The following USP22 variants were observed in gnomAD, a reference collection of about 807,000 sequenced individuals.
USP22 encodes the protein ubiquitin specific peptidase 22.
In USP22, 22 loss-of-function variants were observed where a neutral mutation model predicts 68.1. The observed-to-expected ratio is 0.32, with a 90% confidence interval of 0.23 to 0.46. USP22 has a LOEUF of 0.46. Among genes scored for constraint, USP22 ranks in the 20% least tolerant of loss-of-function variants. The pLI, the probability that USP22 is intolerant of heterozygous loss-of-function variation, is 1.00. For missense variants in USP22, 433 were observed against 695.8 expected (o/e 0.62, Z 4.25); for synonymous variants, 279 against 274.2 (o/e 1.02, Z -0.17).
At chr17:21,038,391 T>C (rs926354871) in intron 1 of USP22, among the ~76,000 whole-genome samples, 1 of 151,976 alleles carries the variant, frequency 6.6e-6, no homozygotes, top group African/African-American at 2.4e-5. Flanking sequence ...GTTGGATGGC[T>C]GGGAGAGGTG....
In USP22 at chr17:21,011,188, C is replaced by A; in HGVS notation, c.1066G>T (p.Val356Leu). 2 of 1,611,306 alleles carry A rather than the reference C, an allele frequency of 1.2e-6. No individual in the cohort carries two copies. ...EGNVVNGESH[V>L]SGTTTLTDCL... ...TCCGTGAGCGTGGTGGTTCCCGACACGTGGCTTTCCCCGTTTACCACGTTG... is the reference window on the plus strand; with the variant it reads ...TCCGTGAGCGTGGTGGTTCCCGACAAGTGGCTTTCCCCGTTTACCACGTTG... Residue 356 changes from valine to leucine, a missense_variant, in exon 8 of 13, where the codon GTG becomes TTG. Around this residue, in one of 4 missense-constraint regions of USP22, gnomAD observed 178 missense variants for 351.5 expected, o/e 0.51. Coordinates refer to ENST00000261497, the MANE Select transcript of USP22 (RefSeq NM_015276.2).
Position 21,015,832 on chromosome 17 carries a change from C to T in USP22, c.758G>A (p.Arg253Lys), listed in dbSNP as rs770796130. 1 of 1,614,050 alleles carries T rather than the reference C, an allele frequency of 6.2e-7. No homozygotes were observed. Reference sequence around the variant, plus strand: ...CTGCTGCTCGTAGCCTGCTAGGTGCCTCGCGTGGGTCCACACCAGGTGCAG... The same window carrying T: ...CTGCTGCTCGTAGCCTGCTAGGTGCTTCGCGTGGGTCCACACCAGGTGCAG... ...KLLHLVWTHA[R>K]HLAGYEQQDA... The change falls in exon 6 of 13, where the codon AGG (arginine) becomes AAG (lysine). Residue 253 changes from arginine (R) to lysine (K), a missense_variant. Physicochemically the swap from Arg to Lys is conservative, Grantham distance 26. Coordinates refer to ENST00000261497, the MANE Select transcript of USP22 (RefSeq NM_015276.2).
rs1337021359 is a variant in USP22, at chr17:21,042,747, T to G, written c.89A>C (p.Lys30Thr). ...PPGCSHLGSF[K>T]VDNWKQNLRA... ...CAGGTTCTGCTTCCAGTTGTCCACC[T>G]TGAAGCTGCCCAGGTGCGAGCAGCC... Residue 30 changes from lysine to threonine, a missense_variant, in exon 1 of 13, where the codon AAG (lysine) becomes ACG (threonine). By Grantham distance (78) the Lys-to-Thr change is moderately conservative. Coordinates refer to ENST00000261497, the MANE Select transcript of USP22 (RefSeq NM_015276.2). 6.7e-7 allele frequency: 1 copy of G among 1,495,848 alleles called. No homozygotes were observed. Among genetic ancestry groups the G allele is most frequent in the South Asian group, 1.3e-5 (1 of 78,696 alleles). 92.7% of individuals were successfully genotyped at this position (1,495,848 alleles called of 1,614,324 possible).
intron 1 of USP22, among the ~76,000 whole-genome samples, chr17:21,031,812 T>A (rs1972294767): frequency 6.6e-6 from 1 of 152,260 alleles, no homozygotes; most frequent in South Asian, 2.1e-4. Flanking sequence ...GATGCTCCCC[T>A]GCACGGGTTT....
intron 10 of USP22, among the ~76,000 whole-genome samples, chr17:21,005,951 CAG>C (rs1468514794): frequency 1.3e-5 from 2 of 152,160 alleles, no homozygotes; most frequent in East Asian, 1.9e-4. Flanking sequence ...GAACTGGACA[CAG>C]AGTCAGGGGA....
At chr17:21,003,760 C>G (rs767149590) in intron 12 of USP22, among the ~76,000 whole-genome samples, 2 of 151,496 alleles carry the variant, frequency 1.3e-5, no homozygotes, top group African/African-American at 4.8e-5. Context: ...AGTAGGCAGG[C>G]GTGATGGTGC....
chr17:21,038,976 C>T (rs1056700484), intron 1 of USP22, among the ~76,000 whole-genome samples: 20 of 151,740 alleles, frequency 1.3e-4, no homozygotes, highest in Non-Finnish European at 1.6e-4. Context: ...TTTTTTGAGA[C>T]GGTCTCGCTC....
intron 2 of USP22, among the ~76,000 whole-genome samples, chr17:21,026,185 G>A (rs758704838): frequency 3.3e-5 from 5 of 152,216 alleles, no homozygotes; most frequent in Non-Finnish European, 5.9e-5. Flanking sequence ...TTGAACCTGA[G>A]AGGCGGAGGT....
In USP22 at chr17:21,017,145, T is replaced by C. The variant is rs1174679407; in HGVS notation, c.690+797A>G. Among the ~76,000 whole-genome samples the C allele has an allele frequency of 5.9e-5, 9 of 152,264 alleles. No homozygotes were observed. In the East Asian group the frequency reaches 1.7e-3, roughly 29 times the overall value. On this transcript the variant is annotated intron_variant, in intron 5 of 12. Transcript: ENST00000261497. ...CAGTAAATAATTTCAGCTTTGCAGG[T>C]TGGATAGCCTCTGTCCAACTGCTCA...
intron 1 of USP22, among the ~76,000 whole-genome samples, chr17:21,038,508 A>G (rs764134111): frequency 8.3e-4 from 126 of 152,058 alleles, no homozygotes; most frequent in Non-Finnish European, 1.5e-3. Context: ...TGGCTACCAA[A>G]AATACAAAAA....
chr17:21,009,970 AT>A (rs1195855635), intron 8 of USP22, among the ~76,000 whole-genome samples: 34 of 130,218 alleles, frequency 2.6e-4, no homozygotes, highest in African/African-American at 8.5e-4. Context: ...AAAAAAAAAA[AT>A]TAAAAAAAAA....
At chr17:21,036,714 T>A (rs1972362773) in intron 1 of USP22, among the ~76,000 whole-genome samples, 1 of 152,010 alleles carries the variant, frequency 6.6e-6, no homozygotes, top group Non-Finnish European at 1.5e-5. Flanking sequence ...TGGATTAGAG[T>A]TGGAGATATA....
At chr17:21,043,302 C>CCCCCCCCCCCCCCCCCCCCTCG (rs1567596616), upstream of USP22, 1 of 47,548 alleles carries the variant, frequency 2.1e-5, no homozygotes, top group Non-Finnish European at 5.9e-5. Flanking sequence ...GTAGGCCACC[C>CCCCCCCCCCCCCCCCCCCCTCG]CCCCCCCCCC....
At chr17:21,019,697 T>C (rs1190133421) in intron 3 of USP22, among the ~76,000 whole-genome samples, 1 of 152,226 alleles carries the variant, frequency 6.6e-6, no homozygotes, top group Non-Finnish European at 1.5e-5. Context: ...CTAATTGGCA[T>C]AGTATTCCAT....
At chr17:21,034,171 A>G (rs932358070) in intron 1 of USP22, among the ~76,000 whole-genome samples, 1 of 152,216 alleles carries the variant, frequency 6.6e-6, no homozygotes, top group African/African-American at 2.4e-5. Context: ...TTCCAGACTC[A>G]GGCCCCTCAA....
At chr17:21,035,510 T>C (rs892611722) in intron 1 of USP22, among the ~76,000 whole-genome samples, 3 of 104,838 alleles carry the variant, frequency 2.9e-5, no homozygotes, top group Admixed American at 2.0e-4. Flanking sequence ...TTGTAGGAAA[T>C]AGGACAAAAA....
rs1913513749 is a variant in USP22, at chr17:21,000,238, C to G, written c.*2793G>C. On this transcript the variant is annotated 3_prime_UTR_variant, in exon 13 of 13. Transcript: ENST00000261497. ...GCAACGGGAGGTTTCCTGAATTTCA[C>G]AGCCAGATGGGGAGCTAAAAGAAAT... The G allele has an allele frequency of 6.6e-6, 1 of 152,250 alleles. No homozygotes were observed. Among genetic ancestry groups the G allele is most frequent in the African/African-American group, 2.4e-5 (1 of 41,460 alleles). 9.4% of individuals were successfully genotyped at this position (152,250 alleles called of 1,614,324 possible). A position where few individuals can be genotyped will look rare whatever the true frequency, so the allele number is the denominator to read the frequency against.
chr17:21,004,561 TG>T (rs1484387775), intron 11 of USP22, among the ~76,000 whole-genome samples: 7 of 152,172 alleles, frequency 4.6e-5, no homozygotes, highest in Non-Finnish European at 1.0e-4. Flanking sequence ...AGGCGCTTCC[TG>T]GAACTCCATC....
intron 5 of USP22, 51 bp downstream of exon 5, chr17:21,017,891 G>A: frequency 2.5e-6 from 4 of 1,587,764 alleles, no homozygotes; most frequent in Non-Finnish European, 3.4e-6. Flanking sequence ...TTTTTTGAAG[G>A]TGAAAACAAA....
Sources: allele counts gnomAD v4.1 joint callset (sites outside exome capture counted in the v4.1 genomes callset), GRCh38; gene constraint gnomAD v4.1.1; regional missense constraint gnomAD v4.1.1; transcripts MANE v1.5; gene names NCBI Gene and HGNC (gene_info 2026-07-23, HGNC 2026-07-21).